Variants in MEGF11 observed in about 807,000 individuals in gnomAD.
MEGF11 encodes multiple epidermal growth factor-like domains protein 11.
In MEGF11, 126 loss-of-function variants were observed where a neutral mutation model predicts 146.6. That is an observed-to-expected ratio of 0.86 (90% CI 0.74 to 1.00). The LOEUF is 1.00. MEGF11 is among the 50% of genes least tolerant of loss of function. The pLI is 0.00. For missense variants in MEGF11, 1,509 were observed against 1,521.2 expected (o/e 0.99, Z 0.13); for synonymous variants, 532 against 583.4 (o/e 0.91, Z 1.27).
chr15:66,136,931 G>A (rs1305809287), intron 1 of MEGF11, among the ~76,000 whole-genome samples: 1 of 152,214 alleles, frequency 6.6e-6, no homozygotes, highest in Non-Finnish European at 1.5e-5. Context: ...TACTAGGGAG[G>A]TTGAGGTGGG....
rs541893304 is a variant in MEGF11, at chr15:65,980,998, G to C, written c.642-100C>G. On this transcript the variant is annotated intron_variant, in intron 6 of 25. Coordinates refer to ENST00000395614, the MANE Select transcript of MEGF11 (RefSeq NM_001385028.1). ...CCTAGGAATTCCTCCGCAGTTAATG[G>C]ATCTGTATTAGGCACAGCATCCGCT... The C allele has an allele frequency of 3.5e-6, 5 of 1,410,574 alleles. No individual in the cohort carries two copies. The African/African-American group carries it at 7.2e-5, about 20-fold the overall frequency. The allele number at this position is 1,410,574 out of a possible 1,614,324, so 87.4% of individuals were successfully genotyped here.
At chr15:66,249,022 T>C (rs924516162) in intron 1 of MEGF11, among the ~76,000 whole-genome samples, 6 of 152,240 alleles carry the variant, frequency 3.9e-5, no homozygotes, top group African/African-American at 1.4e-4. Flanking sequence ...ACATTGGGGA[T>C]AAAGTGTGCT....
intron 19 of MEGF11, 25 bp from the exon 20 acceptor site, chr15:65,913,998 C>A: frequency 6.2e-7 from 1 of 1,601,138 alleles, no homozygotes. Flanking sequence ...AGGGCCTGAG[C>A]CTGGGGCTGG....
chr15:65,970,474 G>A (rs1407883873), intron 8 of MEGF11, 79 bp downstream of exon 8: 32 of 1,459,998 alleles, frequency 2.2e-5, no homozygotes, highest in Non-Finnish European at 2.2e-5. Flanking sequence ...CAGAGAGAGG[G>A]CTATGAGCTG....
intron 7 of MEGF11, among the ~76,000 whole-genome samples, chr15:65,977,645 A>AT (rs759035445): frequency 6.1e-4 from 93 of 151,886 alleles, no homozygotes; most frequent in Non-Finnish European, 1.1e-3. Flanking sequence ...TGTCTGGCTG[A>AT]TTTTTTGTAT....
At chr15:65,937,930 G>T (rs1238353157) in intron 10 of MEGF11, among the ~76,000 whole-genome samples, 1 of 152,254 alleles carries the variant, frequency 6.6e-6, no homozygotes, top group Non-Finnish European at 1.5e-5. Flanking sequence ...CAAGTGTCCA[G>T]CTGGGAACCA....
chr15:66,240,812 G>C (rs2092194487), intron 1 of MEGF11, among the ~76,000 whole-genome samples: 1 of 152,176 alleles, frequency 6.6e-6, no homozygotes, highest in African/African-American at 2.4e-5. Flanking sequence ...TACTTTTTGG[G>C]TACAGCTGTC....
At chr15:65,968,824 G>C (rs567719514) in intron 8 of MEGF11, among the ~76,000 whole-genome samples, 1 of 152,082 alleles carries the variant, frequency 6.6e-6, no homozygotes, top group South Asian at 2.1e-4. Context: ...GTTACATTTC[G>C]TGTTTAATTT....
In MEGF11 at chr15:66,222,499, C is replaced by T. The variant is rs117038271; in HGVS notation, c.-9+31106G>A. 2.6e-5 allele frequency among the ~76,000 whole-genome samples: 4 copies of T among 152,266 alleles called. No individual in the cohort carries two copies. In the East Asian group the frequency reaches 7.7e-4, roughly 29 times the overall value. On this transcript the variant is annotated intron_variant, in intron 1 of 25. Transcript: ENST00000395614. ...TATCTCTCTGACTCCTTGTGTTTGC[C>T]TCCTACACAATTGTGTTTGTCTTGT...
intron 1 of MEGF11, among the ~76,000 whole-genome samples, chr15:66,196,612 GCAGA>G (rs1445583984): frequency 2.0e-5 from 3 of 152,218 alleles, no homozygotes; most frequent in African/African-American, 7.2e-5. Context: ...CTATTTAGGT[GCAGA>G]CAGGTTTAGA....
chr15:65,965,619 T>TCTTTTC lies in MEGF11; in HGVS notation c.900-500_900-499insGAAAAG, dbSNP rs2081059626. Among the ~76,000 whole-genome samples the TCTTTTC allele has an allele frequency of 1.3e-3, 156 of 119,914 alleles. 8 individuals are homozygous for TCTTTTC. The highest frequency in any genetic ancestry group is 9.5e-3 in the Middle Eastern group (2 of 210). 78.7% of individuals were successfully genotyped at this position (119,914 alleles called of 152,430 possible). On this transcript the variant is annotated intron_variant, in intron 8 of 25. Transcript: ENST00000395614. ...TTCTTTCTTTTTTTTTTTTCTTTTT[T>TCTTTTC]TTTTTTTTGGCTCTTCTATTCTTTT...
chr15:66,139,626 G>A (rs2140999536), intron 1 of MEGF11, among the ~76,000 whole-genome samples: 2 of 149,778 alleles, frequency 1.3e-5, no homozygotes, highest in South Asian at 2.1e-4. Flanking sequence ...AAAAAAAAAT[G>A]GGAGGGAGAA....
At chr15:65,956,981 T>TGCCC (rs1439883917) in intron 10 of MEGF11, among the ~76,000 whole-genome samples, 7 of 152,218 alleles carry the variant, frequency 4.6e-5, no homozygotes, top group Non-Finnish European at 1.0e-4. Context: ...AAATATATTA[T>TGCCC]GCCCACTGAC....
intron 1 of MEGF11, among the ~76,000 whole-genome samples, chr15:66,189,849 C>CT (rs35342902): frequency 0.79 from 120,596 of 151,950 alleles, 48,355 homozygotes; most frequent in African/African-American, 0.91. Flanking sequence ...CATTAAATCC[C>CT]ACTCGAAAGC....
intron 5 of MEGF11, among the ~76,000 whole-genome samples, chr15:66,085,164 G>T (rs550574279): frequency 1.3e-5 from 2 of 152,094 alleles, no homozygotes; most frequent in Admixed American, 6.5e-5. Flanking sequence ...CACAGTAGCC[G>T]CAGCGAGATC....
chr15:65,935,705 G>A (rs899539866), intron 10 of MEGF11, among the ~76,000 whole-genome samples: 2 of 152,194 alleles, frequency 1.3e-5, no homozygotes, highest in African/African-American at 2.4e-5. Flanking sequence ...CCCTGAAGGA[G>A]TGTAACCTTG....
At chr15:66,082,222 C>T (rs533199712) in intron 5 of MEGF11, among the ~76,000 whole-genome samples, 2 of 151,868 alleles carry the variant, frequency 1.3e-5, no homozygotes, top group South Asian at 4.2e-4. Context: ...GACTCCACCT[C>T]CCTGAGCTTT....
Position 66,122,996 on chromosome 15 carries a change from G to A in MEGF11, c.200+903C>T, listed in dbSNP as rs555584131. Among the ~76,000 whole-genome samples the A allele has an allele frequency of 7.9e-5, 12 of 152,228 alleles. 1 individual carries two copies. The South Asian group carries it at 2.1e-3, about 26-fold the overall frequency. On this transcript the variant is annotated intron_variant, in intron 3 of 25. Coordinates refer to ENST00000395614, the MANE Select transcript of MEGF11 (RefSeq NM_001385028.1). ...GACGGGGTTTCACTGTGTTAGCCAG[G>A]ATGATCTCGTTCTCCTGACCTTGTG...
chr15:65,951,629 G>A (rs532569138), intron 10 of MEGF11, among the ~76,000 whole-genome samples: 2 of 152,338 alleles, frequency 1.3e-5, no homozygotes, highest in African/African-American at 2.4e-5. Flanking sequence ...GGAGGTTGCA[G>A]TAAGCTGAGA....
Sources: allele counts gnomAD v4.1 joint callset (sites outside exome capture counted in the v4.1 genomes callset), GRCh38; gene constraint gnomAD v4.1.1; transcripts MANE v1.5; gene names NCBI Gene and HGNC (gene_info 2026-07-23, HGNC 2026-07-21).